Variants in GGCX observed in about 807,000 individuals in gnomAD.
The protein encoded by GGCX is vitamin K-dependent gamma-carboxylase.
A neutral mutation model predicts 88.5 loss-of-function variants in GGCX; 63 were observed. That is an observed-to-expected ratio of 0.71 (90% CI 0.58 to 0.88). The LOEUF is 0.88. GGCX is among the 40% of genes least tolerant of loss of function. The pLI, the probability that GGCX is intolerant of heterozygous loss-of-function variation, is 0.00. For synonymous variants in GGCX, 368 were observed against 365.8 expected (o/e 1.01, Z -0.07); for missense variants, 805 against 932.9 (o/e 0.86, Z 1.79).
At chr2:85,550,258 C>A in intron 14 of GGCX, 132 bp from the exon 15 acceptor site, 2 of 722,364 alleles carry the variant, frequency 2.8e-6, no homozygotes, top group South Asian at 3.1e-5. Context: ...CCCCAAGTGA[C>A]CCTCCATCTC....
chr2:85,556,582 G>A (rs1223084406), intron 4 of GGCX, among the ~76,000 whole-genome samples: 1 of 152,160 alleles, frequency 6.6e-6, no homozygotes, highest in Non-Finnish European at 1.5e-5. Flanking sequence ...ATTTGATGGA[G>A]TGTTTGAAAA....
chr2:85,546,368 AGCTGAAATC>A lies in GGCX; in HGVS notation c.*3557_*3565del, dbSNP rs1350185106. On this transcript the variant is annotated 3_prime_UTR_variant, in exon 15 of 15. Transcript: ENST00000233838. ...AACCCGGGAGGTGGAGCTTGCAGTG[AGCTGAAATC>A]GTGCCACCACACTCCGGCCAGGGTA... 6.6e-6 allele frequency: 1 copy of A among 151,926 alleles called. No individual in the cohort carries two copies. Among genetic ancestry groups the A allele is most frequent in the Non-Finnish European group, 1.5e-5 (1 of 68,046 alleles). 9.4% of individuals were successfully genotyped at this position (151,926 alleles called of 1,614,324 possible).
In GGCX at chr2:85,560,985, T is replaced by C. The variant is rs1692420520; in HGVS notation, c.44A>G (p.Asp15Gly). 3 of 1,612,168 alleles carry C rather than the reference T, an allele frequency of 1.9e-6. No individual in the cohort carries two copies. The African/African-American group carries it at 4.0e-5, about 22-fold the overall frequency. The change falls in exon 2 of 15, where the codon GAT (aspartate) becomes GGT (glycine). Residue 15 changes from aspartate to glycine, a missense_variant and splice_region_variant. This residue lies in a region of GGCX where 64 missense variants were observed against 57.4 expected (regional missense o/e 1.12). Transcript: ENST00000233838. ...TTCAGCCTTGTCTTTCTGTACTTTA[T>C]CTGCAATCAATAAATGGAGAAAATA... ...AGSARTSPSS[D>G]KVQKDKAELI...
Position 85,549,871 on chromosome 2 carries a change from C to T in GGCX, c.*63G>A. The T allele has an allele frequency of 2.3e-6, 2 of 875,140 alleles. No individual in the cohort carries two copies. Among genetic ancestry groups the T allele is most frequent in the Admixed American group, 1.9e-5 (1 of 52,556 alleles). The allele number at this position is 875,140 out of a possible 1,614,324, so 54.2% of individuals were successfully genotyped here. On this transcript the variant is annotated 3_prime_UTR_variant, in exon 15 of 15. Coordinates refer to ENST00000233838, the MANE Select transcript of GGCX (RefSeq NM_000821.7). ...TTGAGAATTTTTTTCAAATAAATGT[C>T]CATTGCATAGAATGGGTCTGTGACT...
intron 4 of GGCX, among the ~76,000 whole-genome samples, chr2:85,557,423 G>C (rs1210521186): frequency 1.3e-5 from 2 of 152,180 alleles, no homozygotes; most frequent in Admixed American, 6.5e-5. Flanking sequence ...AGAAGGTTGA[G>C]GCTGCAGTGA....
intron 8 of GGCX, 45 bp from the exon 9 acceptor site, chr2:85,553,115 CT>C (rs554052385): frequency 3.0e-4 from 481 of 1,613,764 alleles, no homozygotes; most frequent in Non-Finnish European, 3.6e-4. Flanking sequence ...GCTTCTCACA[CT>C]GACCCCATCC....
intron 5 of GGCX, 83 bp downstream of exon 5, chr2:85,556,099 G>C: frequency 1.2e-6 from 1 of 846,958 alleles, no homozygotes; most frequent in South Asian, 1.3e-5. Context: ...GGGAGGCAGC[G>C]GAGAGTGTAG....
chr2:85,544,729 CTTTGT>C lies in GGCX; in HGVS notation c.*5200_*5204del, dbSNP rs1001721327. The C allele has an allele frequency of 5.2e-5, 8 of 152,508 alleles. No individual in the cohort carries two copies. The highest frequency in any genetic ancestry group is 6.5e-5 in the Admixed American group (1 of 15,268). 9.4% of individuals were successfully genotyped at this position (152,508 alleles called of 1,614,324 possible). A position where few individuals can be genotyped will look rare whatever the true frequency, so the allele number is the denominator to read the frequency against. ...ACAATAACTCCTCCCAGGGTTTTAACTTTGTTTTATTTTCAAAACCAGGTCCAATG... is the reference window on the plus strand; with the variant it reads ...ACAATAACTCCTCCCAGGGTTTTAACTTTATTTTCAAAACCAGGTCCAATG... On this transcript the variant is annotated 3_prime_UTR_variant, in exon 15 of 15. Transcript: ENST00000233838.
intron 7 of GGCX, 78 bp from the exon 8 acceptor site, chr2:85,553,575 C>T: frequency 7.5e-7 from 1 of 1,342,222 alleles, no homozygotes; most frequent in South Asian, 1.2e-5. Flanking sequence ...GGAGACTTCT[C>T]CCAGGTGTTC....
At chr2:85,551,711 G>T (rs1364127519) in intron 11 of GGCX, 101 bp from the exon 12 acceptor site, 15 of 1,572,718 alleles carry the variant, frequency 9.5e-6, no homozygotes, top group Non-Finnish European at 1.3e-5. Flanking sequence ...ATCCCCTTAG[G>T]TTTCAAAAAC....
At chr2:85,558,662 C>T (rs1011867808) in intron 3 of GGCX, 57 bp from the exon 4 acceptor site, 10 of 1,355,824 alleles carry the variant, frequency 7.4e-6, no homozygotes, top group Non-Finnish European at 1.1e-5. Flanking sequence ...GCCCAGTTTC[C>T]CTGGACCAGG....
intron 10 of GGCX, among the ~76,000 whole-genome samples, 178 bp downstream of exon 10, chr2:85,552,238 C>T (rs1217214652): frequency 2.6e-5 from 4 of 152,200 alleles, no homozygotes; most frequent in South Asian, 2.1e-4. Flanking sequence ...CACTTTTCTC[C>T]TGGATGATGG....
In GGCX at chr2:85,548,192, G is replaced by A. The variant is rs1182752822; in HGVS notation, c.*1742C>T. On this transcript the variant is annotated 3_prime_UTR_variant, in exon 15 of 15. Coordinates refer to ENST00000233838, the MANE Select transcript of GGCX (RefSeq NM_000821.7). ...AGCCTGGGTGATAGAGTGAAACCCT[G>A]TCTTTAAAAAAAAATAGATTCAAGA... The A allele has an allele frequency of 6.6e-6, 1 of 151,908 alleles. No homozygotes were observed. Among genetic ancestry groups the A allele is most frequent in the African/African-American group, 2.4e-5 (1 of 41,362 alleles). 9.4% of individuals were successfully genotyped at this position (151,908 alleles called of 1,614,324 possible).
Position 85,550,876 on chromosome 2 carries a change from G to A in GGCX, c.1888+49C>T, listed in dbSNP as rs1318335696. 6 of 1,603,634 alleles carry A rather than the reference G, an allele frequency of 3.7e-6. No homozygotes were observed. In the South Asian group the frequency reaches 4.4e-5, roughly 12 times the overall value. ...TGGCTAGAACATCATTCATAACCCT[G>A]ACTTCTTGAAACCAGAGGCTATCTC... On this transcript the variant is annotated intron_variant, in intron 13 of 14. Coordinates refer to ENST00000233838, the MANE Select transcript of GGCX (RefSeq NM_000821.7).
rs776665054 is a variant in GGCX at position 85,561,430 on chromosome 2, G to A, written c.-2C>T. ...CGCGGACCCGGCAGACACCGCCATT[G>A]CTCTGCGGAGGAGGCAGGTGGGTCA... On this transcript the variant is annotated 5_prime_UTR_variant, in exon 1 of 15. Transcript: ENST00000233838. The A allele has an allele frequency of 6.4e-7, 1 of 1,571,054 alleles. No individual in the cohort carries two copies. Among genetic ancestry groups the A allele is most frequent in the Non-Finnish European group, 8.6e-7 (1 of 1,158,208 alleles).
Position 85,547,870 on chromosome 2 carries a change from A to G in GGCX, c.*2064T>C, listed in dbSNP as rs1691754062. 6.6e-6 allele frequency: 1 copy of G among 152,200 alleles called. No homozygotes were observed. Among genetic ancestry groups the G allele is most frequent in the East Asian group, 1.9e-4 (1 of 5,198 alleles). The allele number at this position is 152,200 out of a possible 1,614,324, so 9.4% of individuals were successfully genotyped here. On this transcript the variant is annotated 3_prime_UTR_variant, in exon 15 of 15. Transcript: ENST00000233838. The stretch of plus-strand genomic sequence containing the variant: ...CTGGTCTATCCCTAACTAGATGCTA[A>G]TACAAAGGTTGAAAATACAGATATA...
At position 85,560,954 on chromosome 2, in the gene GGCX, G is replaced by C. The variant is rs1329669043; in HGVS notation, c.75C>G (p.Ile25Met). 3 of 1,613,802 alleles carry C rather than the reference G, an allele frequency of 1.9e-6. No individual in the cohort carries two copies. Among genetic ancestry groups the C allele is most frequent in the South Asian group, 2.2e-5 (2 of 91,092 alleles). The change falls in exon 2 of 15, where the codon ATC becomes ATG. Residue 25 changes from isoleucine (I) to methionine (M), a missense_variant. Physicochemically the swap from Ile to Met is conservative, Grantham distance 10 (BLOSUM62 1). Around this residue, in one of 3 missense-constraint regions of GGCX, gnomAD observed 64 missense variants for 57.4 expected, o/e 1.12. Coordinates refer to ENST00000233838, the MANE Select transcript of GGCX (RefSeq NM_000821.7). ...TTCGGCTGTCCTGCCTGGGCCCTGA[G>C]ATCAGTTCAGCCTTGTCTTTCTGTA... ...DKVQKDKAELISGPRQDSRIG... is the reference protein window; with the variant it reads ...DKVQKDKAELMSGPRQDSRIG...
chr2:85,555,357 A>AT, intron 6 of GGCX, 127 bp downstream of exon 6: 1 of 678,070 alleles, frequency 1.5e-6, no homozygotes, highest in Non-Finnish European at 2.7e-6. Flanking sequence ...GAATAGGGAA[A>AT]TGAGTGGACA....
chr2:85,549,932 C>T lies in GGCX; in HGVS notation c.*2G>A. 1 of 1,607,188 alleles carries T rather than the reference C, an allele frequency of 6.2e-7. No individual in the cohort carries two copies. ...ACATCTGCACCCAACATCTGGCCCCCTTCAGAACTCTGAGTGGACAGGATC... is the reference window on the plus strand; with the variant it reads ...ACATCTGCACCCAACATCTGGCCCCTTTCAGAACTCTGAGTGGACAGGATC... On this transcript the variant is annotated 3_prime_UTR_variant, in exon 15 of 15. Coordinates refer to ENST00000233838, the MANE Select transcript of GGCX (RefSeq NM_000821.7).
Sources: allele counts gnomAD v4.1 joint callset (sites outside exome capture counted in the v4.1 genomes callset), GRCh38; gene constraint gnomAD v4.1.1; regional missense constraint gnomAD v4.1.1; transcripts MANE v1.5; gene names NCBI Gene and HGNC (gene_info 2026-07-23, HGNC 2026-07-21).